Variants in SGCZ observed in about 807,000 individuals in gnomAD.
SGCZ encodes the protein zeta-sarcoglycan.
In SGCZ, 40 loss-of-function variants were observed where a neutral mutation model predicts 41.3. That is an observed-to-expected ratio of 0.97 (90% CI 0.75 to 1.26). SGCZ has a LOEUF of 1.26. Ranked by LOEUF, SGCZ falls within the 50% of genes most tolerant of loss-of-function variation. The probability of loss-of-function intolerance (pLI) is 0.00; values close to 1 mark genes in which losing one functional copy is unlikely to be tolerated. For synonymous variants in SGCZ, 206 were observed against 137.5 expected (o/e 1.50, Z -3.49); for missense variants, 552 against 369.8 (o/e 1.49, Z -4.04).
chr8:14,509,321 CATT>C (rs1316134595), intron 2 of SGCZ, among the ~76,000 whole-genome samples: 3 of 152,110 alleles, frequency 2.0e-5, no homozygotes, highest in African/African-American at 7.2e-5. Context: ...CAAATAAAAA[CATT>C]ATATGATCAA....
intron 2 of SGCZ, among the ~76,000 whole-genome samples, chr8:14,483,399 G>C (rs1020965333): frequency 6.6e-6 from 1 of 152,110 alleles, no homozygotes; most frequent in South Asian, 2.1e-4. Context: ...GTGAGACTCC[G>C]TCTCTACAAA....
intron 3 of SGCZ, among the ~76,000 whole-genome samples, chr8:14,282,629 C>A (rs1465286641): frequency 6.6e-6 from 1 of 152,102 alleles, no homozygotes; most frequent in African/African-American, 2.4e-5. Flanking sequence ...GAAAGGAGAC[C>A]ACTTTCAGAA....
chr8:14,693,802 G>A (rs182864058), intron 1 of SGCZ, among the ~76,000 whole-genome samples: 1 of 151,930 alleles, frequency 6.6e-6, no homozygotes, highest in East Asian at 1.9e-4. Flanking sequence ...ATGTTGGCCA[G>A]GCTGACCTCA....
chr8:14,282,595 T>G (rs528081163), intron 3 of SGCZ, among the ~76,000 whole-genome samples: 2 of 152,158 alleles, frequency 1.3e-5, no homozygotes, highest in Non-Finnish European at 2.9e-5. Flanking sequence ...CTCAGCCAAC[T>G]TCTATGGTCA....
At chr8:14,448,962 C>T (rs924233659) in intron 2 of SGCZ, among the ~76,000 whole-genome samples, 12 of 152,302 alleles carry the variant, frequency 7.9e-5, no homozygotes, top group Admixed American at 7.2e-4. Context: ...AATGACCACT[C>T]AGTTTTTATT....
intron 1 of SGCZ, among the ~76,000 whole-genome samples, chr8:14,740,048 G>A (rs1799154049): frequency 6.6e-6 from 1 of 151,846 alleles, no homozygotes; most frequent in South Asian, 2.1e-4. Context: ...GTGGGGATGG[G>A]GTCAAAATTG....
intron 7 of SGCZ, among the ~76,000 whole-genome samples, chr8:14,092,663 C>A (rs1841912): frequency 0.22 from 32,660 of 151,746 alleles, 4,139 homozygotes; most frequent in East Asian, 0.6. Context: ...AAGGGGGAAA[C>A]CCCTTTCACT....
chr8:14,970,613 A>G (rs1563400221), intron 1 of SGCZ, among the ~76,000 whole-genome samples: 2 of 152,260 alleles, frequency 1.3e-5, no homozygotes, highest in South Asian at 4.1e-4. Context: ...GGTTGTTCAC[A>G]TATGTGTGCA....
chr8:14,659,669 G>C (rs1807686768), intron 1 of SGCZ, among the ~76,000 whole-genome samples: 1 of 152,060 alleles, frequency 6.6e-6, no homozygotes, highest in Non-Finnish European at 1.5e-5. Context: ...TATGGCTTTT[G>C]GTGAAATCAA....
chr8:15,097,966 G>T (rs1018176673), intron 1 of SGCZ, among the ~76,000 whole-genome samples: 7 of 149,566 alleles, frequency 4.7e-5, no homozygotes, highest in South Asian at 2.1e-4. Context: ...AACAGGAACT[G>T]GGTATTGCTC....
intron 1 of SGCZ, among the ~76,000 whole-genome samples, chr8:14,678,281 T>C (rs1256722488): frequency 1.3e-5 from 2 of 152,122 alleles, no homozygotes; most frequent in Non-Finnish European, 2.9e-5. Context: ...GAGAAAATAT[T>C]GTAGAAAACA....
chr8:14,157,984 C>A (rs565416925), intron 5 of SGCZ, among the ~76,000 whole-genome samples: 20 of 152,234 alleles, frequency 1.3e-4, no homozygotes, highest in Non-Finnish European at 2.1e-4. Flanking sequence ...GAGTTTGAGA[C>A]CAGCCTGGCC....
intron 1 of SGCZ, among the ~76,000 whole-genome samples, chr8:14,958,521 G>GA (rs1330587481): frequency 1.3e-5 from 2 of 151,794 alleles, no homozygotes; most frequent in African/African-American, 2.4e-5. Context: ...TTACAGAACA[G>GA]AAAAAAACGA....
At chr8:14,886,191 A>C (rs1804799160) in intron 1 of SGCZ, among the ~76,000 whole-genome samples, 1 of 151,456 alleles carries the variant, frequency 6.6e-6, no homozygotes, top group Non-Finnish European at 1.5e-5. Flanking sequence ...ATAACTTTTC[A>C]CAACTGTTCT....
intron 1 of SGCZ, among the ~76,000 whole-genome samples, chr8:14,608,668 T>C (rs1805830685): frequency 6.6e-6 from 1 of 152,074 alleles, no homozygotes; most frequent in South Asian, 2.1e-4. Context: ...TGGTGGAAGC[T>C]GTTTGGGTCA....
At chr8:14,999,143 G>T (rs1802319485) in intron 1 of SGCZ, among the ~76,000 whole-genome samples, 1 of 152,136 alleles carries the variant, frequency 6.6e-6, no homozygotes, top group African/African-American at 2.4e-5. Context: ...ATGTGTGAAT[G>T]TTTCCATGTA....
chr8:14,106,969 C>A (rs1219280966), intron 6 of SGCZ, among the ~76,000 whole-genome samples: 1 of 152,162 alleles, frequency 6.6e-6, no homozygotes, highest in East Asian at 1.9e-4. Context: ...GTAATCCCAG[C>A]ACTTTGGGAG....
intron 4 of SGCZ, among the ~76,000 whole-genome samples, chr8:14,208,283 T>C (rs1424618211): frequency 1.3e-5 from 2 of 152,198 alleles, no homozygotes; most frequent in African/African-American, 4.8e-5. Flanking sequence ...GATTAACATC[T>C]GAAACTGTGT....
intron 1 of SGCZ, among the ~76,000 whole-genome samples, chr8:14,995,703 T>A (rs1036716671): frequency 6.6e-6 from 1 of 152,216 alleles, no homozygotes; most frequent in Non-Finnish European, 1.5e-5. Context: ...CGTCTTCACA[T>A]GTAAAATAGC....
Sources: allele counts gnomAD v4.1 joint callset (sites outside exome capture counted in the v4.1 genomes callset), GRCh38; gene constraint gnomAD v4.1.1; transcripts MANE v1.5; gene names NCBI Gene and HGNC (gene_info 2026-07-23, HGNC 2026-07-21).